Variants in BICD1 observed in about 807,000 individuals in gnomAD.
BICD1 encodes the protein protein bicaudal D homolog 1.
Under a neutral mutation model 92.5 loss-of-function variants are expected in BICD1, and 35 were observed. The observed-to-expected ratio is 0.38, with a 90% CI of 0.29 to 0.50. BICD1 has a LOEUF of 0.50. Among genes scored for constraint, BICD1 ranks in the 20% least tolerant of loss-of-function variants. The probability of loss-of-function intolerance (pLI) is 0.93; values close to 1 mark genes in which losing one functional copy is unlikely to be tolerated. For synonymous variants in BICD1, 429 were observed against 465.1 expected (o/e 0.92, Z 1.00); for missense variants, 950 against 1,189.8 (o/e 0.80, Z 2.97).
chr12:32,333,086 C>T, intron 5 of BICD1: 1 of 984,544 alleles, frequency 1.0e-6, no homozygotes, highest in Non-Finnish European at 1.2e-6. Context: ...TTCTGTTATC[C>T]CCCATTTTAT....
At chr12:32,221,361 A>G (rs909987648) in intron 2 of BICD1, among the ~76,000 whole-genome samples, 7 of 150,474 alleles carry the variant, frequency 4.7e-5, no homozygotes, top group Non-Finnish European at 8.9e-5. Flanking sequence ...ATAAAAAAAT[A>G]AATAAATAAA....
intron 4 of BICD1, among the ~76,000 whole-genome samples, chr12:32,317,318 T>C (rs1285849873): frequency 1.3e-5 from 2 of 152,198 alleles, no homozygotes; most frequent in Non-Finnish European, 2.9e-5. Flanking sequence ...TTTACAGTCC[T>C]ACCAACAGTG....
intron 1 of BICD1, among the ~76,000 whole-genome samples, chr12:32,166,166 C>G (rs1943764235): frequency 9.0e-6 from 1 of 111,528 alleles, no homozygotes; most frequent in Non-Finnish European, 2.1e-5. Context: ...GCCAGCGTTT[C>G]GTTCTGTCAC....
At chr12:32,360,996 T>C (rs1030074563) in intron 8 of BICD1, among the ~76,000 whole-genome samples, 2 of 152,110 alleles carry the variant, frequency 1.3e-5, no homozygotes, top group African/African-American at 4.8e-5. Context: ...GGAGGAAAAA[T>C]GACTTTATAG....
intron 1 of BICD1, among the ~76,000 whole-genome samples, chr12:32,210,645 A>G (rs752563234): frequency 1.3e-5 from 2 of 152,250 alleles, no homozygotes; most frequent in Non-Finnish European, 2.9e-5. Flanking sequence ...TTGTGCAATT[A>G]TAGCTACAGA....
At chr12:32,232,693 G>C (rs1483794136) in intron 2 of BICD1, among the ~76,000 whole-genome samples, 1 of 152,112 alleles carries the variant, frequency 6.6e-6, no homozygotes, top group Non-Finnish European at 1.5e-5. Context: ...TAATGGCTAG[G>C]TTTTCTTCTA....
At chr12:32,366,006 G>A (rs537655978) in intron 8 of BICD1, among the ~76,000 whole-genome samples, 7 of 152,252 alleles carry the variant, frequency 4.6e-5, no homozygotes, top group Admixed American at 1.3e-4. Flanking sequence ...ATTAAGATGC[G>A]CTAATTAATA....
chr12:32,292,144 C>T (rs891105287), intron 2 of BICD1, among the ~76,000 whole-genome samples: 5 of 152,292 alleles, frequency 3.3e-5, no homozygotes, highest in African/African-American at 9.6e-5. Context: ...ATCATGGTGT[C>T]GGCAGGGCCA....
chr12:32,267,385 T>G (rs2136138822), intron 2 of BICD1, among the ~76,000 whole-genome samples: 1 of 152,356 alleles, frequency 6.6e-6, no homozygotes, highest in Non-Finnish European at 1.5e-5. Flanking sequence ...TTTTGTATTT[T>G]AATTACTACT....
intron 2 of BICD1, among the ~76,000 whole-genome samples, chr12:32,288,245 T>C (rs1272745692): frequency 7.2e-6 from 1 of 138,282 alleles, no homozygotes; most frequent in Non-Finnish European, 1.6e-5. Context: ...TTTTTTTTTT[T>C]TTCTGAGACA....
In BICD1 at chr12:32,305,977, G is replaced by T; in HGVS notation, c.860G>T (p.Gly287Val). The T allele has an allele frequency of 6.2e-7, 1 of 1,614,148 alleles. No individual in the cohort carries two copies. The change falls in exon 4 of 10, where the codon GGT (glycine) becomes GTT (valine). Residue 287 changes from glycine to valine, a missense_variant. Coordinates refer to ENST00000652176, the MANE Select transcript of BICD1 (RefSeq NM_001714.4). ...SEPNNDDKMNGHIHGPLVKLN... is the reference protein window; with the variant it reads ...SEPNNDDKMNVHIHGPLVKLN... The stretch of plus-strand genomic sequence containing the variant: ...CCAAACAATGATGACAAAATGAACG[G>T]TCATATCCATGGGCCTCTTGTGAAA...
chr12:32,344,706 ATCAG>A (rs1171427200), intron 8 of BICD1, among the ~76,000 whole-genome samples: 5 of 152,256 alleles, frequency 3.3e-5, no homozygotes, highest in South Asian at 2.1e-4. Context: ...GTGGAAGGAG[ATCAG>A]TCAATCTTGA....
chr12:32,219,276 A>G (rs1945444616), intron 2 of BICD1, among the ~76,000 whole-genome samples: 1 of 152,144 alleles, frequency 6.6e-6, no homozygotes, highest in South Asian at 2.1e-4. Context: ...GTGTGCGTGC[A>G]TATATGTTGG....
At chr12:32,368,555 T>C (rs1939614220) in intron 9 of BICD1, among the ~76,000 whole-genome samples, 1 of 151,804 alleles carries the variant, frequency 6.6e-6, no homozygotes, top group Non-Finnish European at 1.5e-5. Context: ...ATTAGCTGGG[T>C]GTGGTGGCAC....
intron 3 of BICD1, among the ~76,000 whole-genome samples, chr12:32,305,104 A>G (rs1395069931): frequency 6.6e-6 from 1 of 152,218 alleles, no homozygotes; most frequent in East Asian, 1.9e-4. Flanking sequence ...CTGTTCTTTC[A>G]GATTCTGTCT....
chr12:32,201,802 CTTTGAAAAA>C (rs1944913309), intron 1 of BICD1, among the ~76,000 whole-genome samples: 1 of 151,782 alleles, frequency 6.6e-6, no homozygotes, highest in African/African-American at 2.4e-5. Flanking sequence ...AAAACACAAT[CTTTGAAAAA>C]TCTGGAGAAT....
At chr12:32,320,751 CACTAG>C (rs1482391104) in intron 4 of BICD1, among the ~76,000 whole-genome samples, 2 of 152,230 alleles carry the variant, frequency 1.3e-5, no homozygotes, top group African/African-American at 2.4e-5. Flanking sequence ...TGTATACTTA[CACTAG>C]ACTAAACAGT....
intron 1 of BICD1, among the ~76,000 whole-genome samples, chr12:32,134,581 A>C (rs1375557035): frequency 6.6e-6 from 1 of 152,182 alleles, no homozygotes; most frequent in Non-Finnish European, 1.5e-5. Flanking sequence ...CATGATGCTT[A>C]AGCAGAGCCA....
chr12:32,129,690 TA>T (rs1259247647), intron 1 of BICD1, among the ~76,000 whole-genome samples: 1 of 152,102 alleles, frequency 6.6e-6, no homozygotes, highest in East Asian at 1.9e-4. Flanking sequence ...TCTTCAACAT[TA>T]AGAAATAAGA....
Sources: gnomAD v4.1 joint callset for allele counts (sites outside exome capture counted in the v4.1 genomes callset) on GRCh38, gnomAD v4.1.1 for gene constraint, MANE v1.5 for transcripts, NCBI Gene and HGNC (gene_info 2026-07-23, HGNC 2026-07-21) for gene names.